The following SNTN variants were observed in gnomAD, a reference collection of about 807,000 sequenced individuals.
SNTN encodes the protein sentan, cilia apical structure protein.
SNTN carries 13 observed loss-of-function variants against 12.3 expected under a neutral mutation model. The ratio of observed to expected loss-of-function variants is 1.05; its 90% confidence interval spans 0.69 to 1.67. The LOEUF (loss-of-function observed/expected upper bound fraction) is 1.67. Among genes scored for constraint, SNTN ranks in the 40% most tolerant of loss-of-function variants. The probability of loss-of-function intolerance (pLI) is 0.00; values close to 1 mark genes in which losing one functional copy is unlikely to be tolerated. For synonymous variants in SNTN, 69 were observed against 58.5 expected, an observed-to-expected ratio of 1.18 and a Z score of -0.82; for missense variants, 189 against 169.8, an observed-to-expected ratio of 1.11 and a Z score of -0.63.
At chr3:63,660,948 C>T (rs1700737511) in intron 3 of SNTN, among the ~76,000 whole-genome samples, 1 of 152,180 alleles carries the variant, frequency 6.6e-6, no homozygotes, top group South Asian at 2.1e-4. Flanking sequence ...GAATTTCAGT[C>T]ATTGAATACC....
At chr3:63,663,333 A>C (rs977382316) in intron 3 of SNTN, among the ~76,000 whole-genome samples, 1 of 152,224 alleles carries the variant, frequency 6.6e-6, no homozygotes, top group African/African-American at 2.4e-5. Context: ...CAATAAGGTC[A>C]CTATGATGAT....
Position 63,664,176 on chromosome 3 carries a change from A to C in SNTN, c.*81A>C. The stretch of plus-strand genomic sequence containing the variant: ...TTCCATCTTATTTTTGATTAATTGA[A>C]TATATCTATCATGCATCTGAAATTG... On this transcript the variant is annotated 3_prime_UTR_variant, in exon 4 of 4. Transcript: ENST00000343837. The C allele has an allele frequency of 7.4e-7, 1 of 1,346,116 alleles. No individual in the cohort carries two copies. The allele number at this position is 1,346,116 out of a possible 1,614,324, so 83.4% of individuals were successfully genotyped here. A position where few individuals can be genotyped will look rare whatever the true frequency, so the allele number is the denominator to read the frequency against.
At chr3:63,657,565 T>C (rs1443825880) in intron 2 of SNTN, among the ~76,000 whole-genome samples, 1 of 152,228 alleles carries the variant, frequency 6.6e-6, no homozygotes, top group Non-Finnish European at 1.5e-5. Context: ...TAATATTTTC[T>C]AGCTCTGTTT....
chr3:63,665,097 T>G lies in SNTN; in HGVS notation c.*1002T>G, dbSNP rs1435529207. The stretch of plus-strand genomic sequence containing the variant: ...CTGGAAATGGTCTCCATTTTGATTG[T>G]GAGGTGGTGGCTACAAGATTGCATG... On this transcript the variant is annotated 3_prime_UTR_variant, in exon 4 of 4. Transcript: ENST00000343837. Among the ~76,000 whole-genome samples, 1 of 152,112 alleles carries G rather than the reference T, an allele frequency of 6.6e-6. No individual in the cohort carries two copies. Among genetic ancestry groups the G allele is most frequent in the Non-Finnish European group, 1.5e-5 (1 of 68,018 alleles).
Position 63,664,919 on chromosome 3 carries a change from A to AT in SNTN, c.*832dup, listed in dbSNP as rs1050924165. 2.6e-5 allele frequency among the ~76,000 whole-genome samples: 4 copies of AT among 151,784 alleles called. 1 individual carries two copies. The highest frequency in any genetic ancestry group is 1.5e-5 in the Non-Finnish European group (1 of 67,906). ...AGGCGTGTGCCACGATGCCAGGCTA[A>AT]TTTTTTTTGTATTTTTAGTGGAGAC... is the stretch of plus-strand genomic sequence containing the variant. On this transcript the variant is annotated 3_prime_UTR_variant, in exon 4 of 4. Transcript: ENST00000343837.
intron 2 of SNTN, among the ~76,000 whole-genome samples, chr3:63,655,476 C>G (rs1700668385): frequency 6.6e-6 from 1 of 152,180 alleles, no homozygotes; most frequent in Non-Finnish European, 1.5e-5. Flanking sequence ...AAATCTCCAT[C>G]TTCATGGAAC....
intron 2 of SNTN, among the ~76,000 whole-genome samples, chr3:63,659,510 T>C (rs1176279304): frequency 2.0e-5 from 3 of 152,072 alleles, no homozygotes; most frequent in Admixed American, 6.6e-5. Context: ...AAATCTCATA[T>C]CTAACTCTAC....
intron 2 of SNTN, among the ~76,000 whole-genome samples, chr3:63,656,965 G>A (rs768366932): frequency 4.6e-5 from 7 of 152,078 alleles, no homozygotes; most frequent in African/African-American, 9.7e-5. Flanking sequence ...ATACCTCATC[G>A]GACTGACATC....
intron 2 of SNTN, 110 bp from the exon 3 acceptor site, chr3:63,659,615 G>C (rs1700719091): frequency 7.7e-7 from 1 of 1,298,528 alleles, no homozygotes; most frequent in Non-Finnish European, 1.1e-6. Flanking sequence ...GGAGGCAAAG[G>C]GCCAAGATTT....
chr3:63,659,587 A>T, intron 2 of SNTN, 138 bp from the exon 3 acceptor site: 1 of 902,062 alleles, frequency 1.1e-6, no homozygotes, highest in Non-Finnish European at 1.7e-6. Context: ...GGAAACTCCC[A>T]CATCCTTCTC....
intron 3 of SNTN, among the ~76,000 whole-genome samples, chr3:63,663,351 G>C (rs1379939794): frequency 6.6e-6 from 1 of 152,204 alleles, no homozygotes; most frequent in African/African-American, 2.4e-5. Context: ...GATTAGAGGA[G>C]ATAACACATA....
chr3:63,661,926 C>A (rs921865025), intron 3 of SNTN, among the ~76,000 whole-genome samples: 1 of 152,146 alleles, frequency 6.6e-6, no homozygotes, highest in African/African-American at 2.4e-5. Flanking sequence ...CATCATCCCT[C>A]TCAGAACACC....
At chr3:63,659,662 G>A in intron 2 of SNTN, 63 bp from the exon 3 acceptor site, 1 of 1,588,152 alleles carries the variant, frequency 6.3e-7, no homozygotes, top group Non-Finnish European at 8.6e-7. Context: ...AGACACAACA[G>A]CAGGTCTGGG....
At chr3:63,656,213 T>C (rs1480501414) in intron 2 of SNTN, among the ~76,000 whole-genome samples, 1 of 152,180 alleles carries the variant, frequency 6.6e-6, no homozygotes. Flanking sequence ...GGAGATTTAG[T>C]GTTCCACATT....
intron 1 of SNTN, among the ~76,000 whole-genome samples, chr3:63,654,326 A>G (rs1447001160): frequency 6.6e-6 from 1 of 152,186 alleles, no homozygotes; most frequent in Non-Finnish European, 1.5e-5. Context: ...GACAGTCCAG[A>G]GTGGGAGTTC....
chr3:63,656,040 T>C (rs1467426663), intron 2 of SNTN, among the ~76,000 whole-genome samples: 1 of 152,222 alleles, frequency 6.6e-6, no homozygotes, highest in Non-Finnish European at 1.5e-5. Context: ...ATACTACCTA[T>C]GTGAGCTTGA....
chr3:63,663,911 C>A, intron 3 of SNTN, 26 bp from the exon 4 acceptor site: 3 of 1,604,950 alleles, frequency 1.9e-6, no homozygotes, highest in South Asian at 1.1e-5. Context: ...ACAACGAATT[C>A]GGTTTTTATT....
chr3:63,659,856 T>C lies in SNTN; in HGVS notation c.277T>C (p.Phe93Leu). ...TCTGCTGCAAACCCAATTTAGGAAT[T>C]TCGCAGAGGTGAGAGAATTAACTTG... ...KDLLQTQFRN[F>L]AEGQETKPKY... The change falls in exon 3 of 4, where the codon TTC becomes CTC. Residue 93 changes from phenylalanine to leucine, a missense_variant. Phe to Leu is a conservative substitution (Grantham distance 22). Transcript: ENST00000343837. 1 of 1,613,762 alleles carries C rather than the reference T, an allele frequency of 6.2e-7. No homozygotes were observed. Among genetic ancestry groups the C allele is most frequent in the Non-Finnish European group, 8.5e-7 (1 of 1,179,880 alleles).
intron 3 of SNTN, among the ~76,000 whole-genome samples, chr3:63,662,987 T>C (rs1363904883): frequency 6.6e-6 from 1 of 152,320 alleles, no homozygotes; most frequent in East Asian, 1.9e-4. Flanking sequence ...CATAGTTTGA[T>C]TTATAATCAA....
Sources: allele counts gnomAD v4.1 joint callset (sites outside exome capture counted in the v4.1 genomes callset), GRCh38; gene constraint gnomAD v4.1.1; transcripts MANE v1.5; gene names NCBI Gene and HGNC (gene_info 2026-07-23, HGNC 2026-07-21).